The following KMO variants were observed in gnomAD, a reference collection of about 807,000 sequenced individuals.
KMO encodes the protein kynurenine 3-hydroxylase.
In KMO, 24 loss-of-function variants were observed where a neutral mutation model predicts 57.8. That is an observed-to-expected ratio of 0.42 (90% CI 0.30 to 0.58). The LOEUF is 0.58. KMO is among the 20% of genes least tolerant of loss of function. The probability of loss-of-function intolerance (pLI) is 0.22; values close to 1 mark genes in which losing one functional copy is unlikely to be tolerated. For synonymous variants in KMO, 210 were observed against 193.6 expected, an observed-to-expected ratio of 1.08 and a Z score of -0.70; for missense variants, 483 against 588.2, an observed-to-expected ratio of 0.82 and a Z score of 1.85.
intron 1 of KMO, among the ~76,000 whole-genome samples, chr1:241,539,811 G>T (rs571900031): frequency 1.3e-5 from 2 of 152,098 alleles, no homozygotes; most frequent in Non-Finnish European, 2.9e-5. Context: ...TGTGGAGCTC[G>T]GAATTGGCCA....
At chr1:241,580,898 G>A (rs1017771374) in intron 10 of KMO, among the ~76,000 whole-genome samples, 1 of 151,088 alleles carries the variant, frequency 6.6e-6, no homozygotes, top group East Asian at 1.9e-4. Context: ...TTTATGTCTT[G>A]ATGATCTGTC....
Position 241,562,376 on chromosome 1 carries a change from C to T in KMO, c.615+44C>T, listed in dbSNP as rs199580740. 5 of 1,595,808 alleles carry T rather than the reference C, an allele frequency of 3.1e-6. No individual in the cohort carries two copies. The Admixed American group carries it at 6.7e-5, about 21-fold the overall frequency. On this transcript the variant is annotated intron_variant, in intron 7 of 14. Transcript: ENST00000366559. The stretch of plus-strand genomic sequence containing the variant: ...TCAACCCCTTCCCACAACCCTTGCT[C>T]CATGAGCGCGAATGCGTATTCTAGT...
intron 10 of KMO, among the ~76,000 whole-genome samples, chr1:241,585,248 T>A (rs56707269): frequency 8.6e-6 from 1 of 116,770 alleles, no homozygotes; most frequent in African/African-American, 3.2e-5. Context: ...TAATTAATAA[T>A]TAAATTAAAT....
At chr1:241,558,456 G>A (rs996918857) in intron 5 of KMO, among the ~76,000 whole-genome samples, 8 of 152,172 alleles carry the variant, frequency 5.3e-5, no homozygotes, top group African/African-American at 1.9e-4. Context: ...CTCCCTAACT[G>A]CACAAACTCC....
At chr1:241,588,494 C>T (rs1372274128) in intron 11 of KMO, among the ~76,000 whole-genome samples, 2 of 151,714 alleles carry the variant, frequency 1.3e-5, no homozygotes, top group African/African-American at 4.8e-5. Context: ...ACTGTCAACG[C>T]TGGTTTGGGG....
chr1:241,584,382 C>G (rs1025518102), intron 10 of KMO, among the ~76,000 whole-genome samples: 1 of 152,220 alleles, frequency 6.6e-6, no homozygotes. Context: ...GAAATAGGAA[C>G]ACTTTCACAC....
chr1:241,534,646 C>G (rs1660691969), intron 1 of KMO, among the ~76,000 whole-genome samples: 1 of 152,254 alleles, frequency 6.6e-6, no homozygotes, highest in Admixed American at 6.5e-5. Flanking sequence ...CTAGCCATTA[C>G]AACCATCCTG....
At position 241,592,154 on chromosome 1, in the gene KMO, TAGAA is replaced by T. The variant is rs1258934702; in HGVS notation, c.*4_*7del. On this transcript the variant is annotated 3_prime_UTR_variant, in exon 15 of 15. Transcript: ENST00000366559. ...AATTTCCAATCTCATTAGCAGGTGA[TAGAA>T]AGGTTTTGTGGTAGCAAATGCATGA... 6.2e-7 allele frequency: 1 copy of T among 1,612,064 alleles called. No individual in the cohort carries two copies. The highest frequency in any genetic ancestry group is 8.5e-7 in the Non-Finnish European group (1 of 1,178,898).
intron 1 of KMO, among the ~76,000 whole-genome samples, chr1:241,542,707 G>A (rs6677357): frequency 0.39 from 59,047 of 152,098 alleles, 12,965 homozygotes; most frequent in East Asian, 0.63. Flanking sequence ...CTCCTGTGCT[G>A]TCCTCCTTCA....
chr1:241,559,321 A>G (rs1661751673), intron 5 of KMO, among the ~76,000 whole-genome samples: 1 of 152,190 alleles, frequency 6.6e-6, no homozygotes, highest in African/African-American at 2.4e-5. Flanking sequence ...AAGACAGAGT[A>G]TTCAGCATTA....
intron 10 of KMO, among the ~76,000 whole-genome samples, chr1:241,579,359 C>T (rs1662664815): frequency 6.6e-6 from 1 of 151,976 alleles, no homozygotes; most frequent in Non-Finnish European, 1.5e-5. Context: ...TGTTAAGCTA[C>T]CAGGGTAGGT....
chr1:241,587,188 G>A (rs748330311), intron 11 of KMO, among the ~76,000 whole-genome samples: 14 of 152,212 alleles, frequency 9.2e-5, no homozygotes, highest in African/African-American at 1.2e-4. Context: ...ATCTTCAGGC[G>A]TTAGTTGGAT....
At chr1:241,586,191 C>CTTTTTTTT (rs386370217) in intron 10 of KMO, among the ~76,000 whole-genome samples, 14 of 80,072 alleles carry the variant, frequency 1.7e-4, no homozygotes, top group South Asian at 5.5e-4. Context: ...AGTCTATGGT[C>CTTTTTTTT]TTTTTTTTTT....
At chr1:241,565,408 T>A (rs1397368639) in intron 8 of KMO, among the ~76,000 whole-genome samples, 2 of 152,006 alleles carry the variant, frequency 1.3e-5, no homozygotes, top group Admixed American at 1.3e-4. Context: ...CTGTAGTACA[T>A]TGGAATACGC....
At chr1:241,564,816 G>A (rs572959332) in intron 7 of KMO, among the ~76,000 whole-genome samples, 171 bp from the exon 8 acceptor site, 1 of 152,114 alleles carries the variant, frequency 6.6e-6, no homozygotes, top group Admixed American at 6.5e-5. Context: ...TATAAAGACA[G>A]AACACAAAGT....
intron 11 of KMO, 52 bp from the exon 12 acceptor site, chr1:241,588,696 T>G (rs887208333): frequency 7.5e-7 from 1 of 1,340,336 alleles, no homozygotes; most frequent in African/African-American, 1.4e-5. Context: ...CTGTGTAGAG[T>G]TCAGCACATT....
At chr1:241,559,881 A>G (rs1423974948) in intron 5 of KMO, among the ~76,000 whole-genome samples, 3 of 152,096 alleles carry the variant, frequency 2.0e-5, no homozygotes, top group Non-Finnish European at 4.4e-5. Flanking sequence ...CTCCTTTTTT[A>G]AGATGAAGGA....
intron 1 of KMO, among the ~76,000 whole-genome samples, chr1:241,546,663 G>A (rs1661159549): frequency 6.6e-6 from 1 of 152,288 alleles, no homozygotes; most frequent in South Asian, 2.1e-4. Context: ...CAACTGGATG[G>A]ATGGCATATC....
chr1:241,544,893 A>G (rs1001123020), intron 1 of KMO, among the ~76,000 whole-genome samples: 29 of 152,198 alleles, frequency 1.9e-4, no homozygotes, highest in Non-Finnish European at 1.9e-4. Context: ...CAAATAATAT[A>G]AAAGAATCTG....
Sources: allele counts gnomAD v4.1 joint callset (sites outside exome capture counted in the v4.1 genomes callset), GRCh38; gene constraint gnomAD v4.1.1; transcripts MANE v1.5; gene names NCBI Gene and HGNC (gene_info 2026-07-23, HGNC 2026-07-21).